Variants in LPIN1 observed in about 807,000 individuals in gnomAD.
LPIN1 encodes lipin 1.
A neutral mutation model predicts 107.5 loss-of-function variants in LPIN1; 71 were observed. The observed-to-expected ratio is 0.66, with a 90% confidence interval of 0.55 to 0.80. LPIN1 has a LOEUF of 0.80. Among genes scored for constraint, LPIN1 ranks in the 30% least tolerant of loss-of-function variants. The probability of loss-of-function intolerance (pLI) is 0.00; values close to 1 mark genes in which losing one functional copy is unlikely to be tolerated. For missense variants in LPIN1, 1,043 were observed against 1,160.6 expected (o/e 0.90, Z 1.47); for synonymous variants, 445 against 452.6 (o/e 0.98, Z 0.21).
Position 11,782,563 on chromosome 2 carries a change from A to G in LPIN1, c.1264+56A>G, listed in dbSNP as rs1673765527. On this transcript the variant is annotated intron_variant, in intron 8 of 20. Coordinates refer to ENST00000674199, the MANE Select transcript of LPIN1 (RefSeq NM_001349206.2). ...TCTGTTCATAGTTTGTGCTCACTCT[A>G]CACATGACAGGTCCTTTCCAAAGTT... is the stretch of plus-strand genomic sequence containing the variant. 5 of 1,599,436 alleles carry G rather than the reference A, an allele frequency of 3.1e-6. No homozygotes were observed. The South Asian group carries it at 5.5e-5, about 18-fold the overall frequency.
intron 1 of LPIN1, among the ~76,000 whole-genome samples, chr2:11,690,677 C>T (rs1662224731): frequency 6.6e-6 from 1 of 152,134 alleles, no homozygotes; most frequent in African/African-American, 2.4e-5. Context: ...CTGCTGGATG[C>T]TTCCTTACTA....
At chr2:11,713,566 C>T (rs759641362) in intron 1 of LPIN1, among the ~76,000 whole-genome samples, 3 of 152,266 alleles carry the variant, frequency 2.0e-5, no homozygotes, top group East Asian at 1.9e-4. Flanking sequence ...CCACTGTGCC[C>T]GGTCACACAT....
Position 11,776,179 on chromosome 2 carries a change from CCAT to C in LPIN1, c.818_820del (p.His273del). ...CTTGCCCTCCACAGTCTTCCCTGTT[CCAT>C]CCTTCGGAAAGGTAGAGGAGTTATT... On this transcript the variant is annotated inframe_deletion, in exon 6 of 21. Transcript: ENST00000674199. 6.5e-7 allele frequency: 1 copy of C among 1,539,864 alleles called. No homozygotes were observed. The highest frequency in any genetic ancestry group is 8.8e-7 in the Non-Finnish European group (1 of 1,139,376).
At chr2:11,691,438 G>A (rs925335439) in intron 1 of LPIN1, among the ~76,000 whole-genome samples, 1 of 152,164 alleles carries the variant, frequency 6.6e-6, no homozygotes, top group African/African-American at 2.4e-5. Context: ...ATTACCTTCA[G>A]TGTGAAGCCT....
At chr2:11,758,326 T>G (rs1327596481) in intron 1 of LPIN1, among the ~76,000 whole-genome samples, 1 of 152,222 alleles carries the variant, frequency 6.6e-6, no homozygotes, top group East Asian at 1.9e-4. Context: ...TATTTTTATT[T>G]TTTTGAGGAA....
rs575095735 is a variant in LPIN1, at chr2:11,707,612, G to C, written c.82-6144G>C. 1.3e-5 allele frequency among the ~76,000 whole-genome samples: 2 copies of C among 152,324 alleles called. No homozygotes were observed. The highest frequency in any genetic ancestry group is 3.9e-4 in the East Asian group (2 of 5,176). On this transcript the variant is annotated intron_variant, in intron 1 of 21. Transcript: ENST00000449576. The surrounding 1 kb of genome is among the most constrained non-coding windows in gnomAD (Gnocchi z 4.2). ...GAGCCATTGCTGGAGCTGCGGGAGA[G>C]AGCAGCGTGGCTGGGACTGGGTGGT...
intron 18 of LPIN1, among the ~76,000 whole-genome samples, chr2:11,815,988 C>G (rs1039246441): frequency 1.2e-4 from 19 of 152,182 alleles, no homozygotes; most frequent in African/African-American, 4.3e-4. Flanking sequence ...GGACATTGGT[C>G]CCTGCTGAAG....
At chr2:11,768,110 G>A (rs183173556) in intron 3 of LPIN1, among the ~76,000 whole-genome samples, 257 of 152,260 alleles carry the variant, frequency 1.7e-3, no homozygotes, top group Middle Eastern at 3.4e-3. Context: ...CAGAGGGATG[G>A]ACTTCACACA....
chr2:11,756,715 T>C (rs1668748218), intron 1 of LPIN1, among the ~76,000 whole-genome samples: 1 of 152,196 alleles, frequency 6.6e-6, no homozygotes, highest in South Asian at 2.1e-4. Flanking sequence ...TAATAATCGA[T>C]GCTGTTCGAG....
At chr2:11,812,966 G>A (rs891303739) in intron 17 of LPIN1, among the ~76,000 whole-genome samples, 2 of 152,186 alleles carry the variant, frequency 1.3e-5, no homozygotes, top group Non-Finnish European at 2.9e-5. Context: ...GCTGGGGGTA[G>A]GTAGACACCA....
At chr2:11,742,618 TG>T (rs1553411041), upstream of LPIN1, among the ~76,000 whole-genome samples, 1 of 152,254 alleles carries the variant, frequency 6.6e-6, no homozygotes, top group Non-Finnish European at 1.5e-5. Flanking sequence ...TTCTAAGTAA[TG>T]GAGTTCTCTC....
intron 12 of LPIN1, among the ~76,000 whole-genome samples, chr2:11,788,739 C>G (rs1394500185): frequency 6.6e-6 from 1 of 152,160 alleles, no homozygotes; most frequent in African/African-American, 2.4e-5. Flanking sequence ...GGAGGCTGAG[C>G]AGACAGGTGC....
intron 1 of LPIN1, among the ~76,000 whole-genome samples, chr2:11,696,608 T>A (rs191313388): frequency 1.3e-5 from 2 of 152,190 alleles, no homozygotes; most frequent in East Asian, 1.9e-4. Flanking sequence ...GAGCAAGGTG[T>A]CTGTAGGGCA....
intron 17 of LPIN1, among the ~76,000 whole-genome samples, chr2:11,809,488 C>T (rs1002117856): frequency 1.3e-4 from 20 of 152,114 alleles, no homozygotes; most frequent in Admixed American, 1.0e-3. Context: ...ATGATCTTGG[C>T]TCACTGCAAC....
In LPIN1 at chr2:11,767,780, T is replaced by C. The variant is rs1343538028; in HGVS notation, c.210T>C (p.Asn70=). ...SREKVVDIEI[N]GESVDLHMKL... ...CCCTTCAGGTTGACATAGAAATCAA[T>C]GGGGAATCTGTGGATTTGCATATGA... is the stretch of plus-strand genomic sequence containing the variant. The change falls in exon 3 of 21, where the codon AAT becomes AAC. Residue 70 remains asparagine, a synonymous_variant. Transcript: ENST00000674199. The C allele has an allele frequency of 6.2e-7, 1 of 1,610,502 alleles. No homozygotes were observed. Among genetic ancestry groups the C allele is most frequent in the Admixed American group, 1.7e-5 (1 of 60,018 alleles).
chr2:11,804,473 C>T lies in LPIN1; in HGVS notation c.2064C>T (p.Thr688=), dbSNP rs138867246. ...CCAACGACGTGGTTTTCAGTGTCAC[C>T]ACGCAGTACCAAGGCACGTGCCGCT... ...NGPNDVVFSV[T]TQYQGTCRCE... Residue 688 remains threonine, a synonymous_variant, in exon 16 of 21, where the codon ACC becomes ACT. Transcript: ENST00000674199. The T allele has an allele frequency of 6.2e-7, 1 of 1,614,190 alleles. No homozygotes were observed. Among genetic ancestry groups the T allele is most frequent in the African/African-American group, 1.3e-5 (1 of 75,040 alleles).
intron 2 of LPIN1, among the ~76,000 whole-genome samples, chr2:11,717,749 C>G (rs146020419): frequency 6.6e-6 from 1 of 151,710 alleles, no homozygotes; most frequent in Non-Finnish European, 1.5e-5. Context: ...TTCCTCACAA[C>G]GGCCTTCTAA....
chr2:11,718,854 A>G (rs972925929), intron 2 of LPIN1, among the ~76,000 whole-genome samples: 4 of 152,194 alleles, frequency 2.6e-5, no homozygotes, highest in African/African-American at 7.2e-5. Flanking sequence ...CCTCTAATAG[A>G]TATCAGCTGA....
In LPIN1 at chr2:11,804,423, A is replaced by G; in HGVS notation, c.2014A>G (p.Lys672Glu). Residue 672 changes from lysine to glutamate, a missense_variant and splice_region_variant, in exon 16 of 21, where the codon AAA becomes GAA. Lys to Glu is a moderately conservative substitution (Grantham distance 56, BLOSUM62 1). Coordinates refer to ENST00000674199, the MANE Select transcript of LPIN1 (RefSeq NM_001349206.2). The part of the protein sequence containing the change: ...KTLRLTSEQL[K>E]SLKLKNGPND... ...AATACTAATGGTTCATGTTTTTCAG[A>G]AAAGCTTGAAGTTGAAGAATGGCCC... The G allele has an allele frequency of 6.2e-7, 1 of 1,614,236 alleles. No individual in the cohort carries two copies. Among genetic ancestry groups the G allele is most frequent in the Non-Finnish European group, 8.5e-7 (1 of 1,180,038 alleles).
Sources: gnomAD v4.1 joint callset for allele counts (sites outside exome capture counted in the v4.1 genomes callset) on GRCh38, gnomAD v4.1.1 for gene constraint, Gnocchi (gnomAD v3.1) non-coding constraint, MANE v1.5 for transcripts, NCBI Gene and HGNC (gene_info 2026-07-23, HGNC 2026-07-21) for gene names.